Variants in RNF212B observed in about 807,000 individuals in gnomAD.
The protein encoded by RNF212B is ring finger protein 212B, also known as E3 ubiquitin-protein ligase RNF212B.
Under a neutral mutation model 55.5 loss-of-function variants are expected in RNF212B, and 52 were observed. That is an observed-to-expected ratio of 0.94 (90% CI 0.75 to 1.18). The LOEUF (loss-of-function observed/expected upper bound fraction) is 1.18, where lower values mean the gene tolerates loss of function less well. Among genes scored for constraint, RNF212B ranks in the 50% most tolerant of loss-of-function variants. The probability of loss-of-function intolerance (pLI) is 0.00; values close to 1 mark genes in which losing one functional copy is unlikely to be tolerated. For synonymous variants in RNF212B, 99 were observed against 121.4 expected, an observed-to-expected ratio of 0.82 and a Z score of 1.21; for missense variants, 289 against 350.4, an observed-to-expected ratio of 0.82 and a Z score of 1.40.
At chr14:23,186,121 A>G (rs1200435328) in intron 1 of RNF212B, among the ~76,000 whole-genome samples, 1 of 152,002 alleles carries the variant, frequency 6.6e-6, no homozygotes, top group African/African-American at 2.4e-5. Flanking sequence ...AACCAAAACA[A>G]ACAAACAAAC....
chr14:23,189,874 C>T (rs1877951945), intron 1 of RNF212B, among the ~76,000 whole-genome samples: 1 of 152,162 alleles, frequency 6.6e-6, no homozygotes, highest in African/African-American at 2.4e-5. Flanking sequence ...CACCCAACTT[C>T]TCTGCTCCCA....
chr14:23,227,921 A>G (rs1468451834), intron 2 of RNF212B, among the ~76,000 whole-genome samples: 2 of 152,046 alleles, frequency 1.3e-5, no homozygotes, highest in Non-Finnish European at 2.9e-5. Flanking sequence ...TAAAAATATA[A>G]AAGTTTTTTA....
At chr14:23,230,740 T>TA (rs1882550502) in intron 2 of RNF212B, among the ~76,000 whole-genome samples, 1 of 151,964 alleles carries the variant, frequency 6.6e-6, no homozygotes, top group Non-Finnish European at 1.5e-5. Context: ...CTAAGAGTTT[T>TA]AGAGTTTTCA....
chr14:23,230,511 G>A (rs967173226), intron 2 of RNF212B, among the ~76,000 whole-genome samples: 1 of 151,932 alleles, frequency 6.6e-6, no homozygotes, highest in African/African-American at 2.4e-5. Context: ...AAAATTAGCC[G>A]GGTGTGGTGG....
At chr14:23,238,973 A>G (rs1490021462) in intron 1 of RNF212B, among the ~76,000 whole-genome samples, 1 of 152,146 alleles carries the variant, frequency 6.6e-6, no homozygotes, top group Non-Finnish European at 1.5e-5. Context: ...CAAGTCATTT[A>G]ATTTTACTGA....
chr14:23,272,355 G>A (rs8003873), intron 14 of RNF212B: 7,188 of 173,542 alleles, frequency 0.041, 591 homozygotes, highest in African/African-American at 0.16. Context: ...GGGAGGCGGA[G>A]CTTGCAGTAA....
chr14:23,208,637 C>T (rs961700918), intron 2 of RNF212B, among the ~76,000 whole-genome samples: 5 of 151,868 alleles, frequency 3.3e-5, no homozygotes, highest in African/African-American at 1.2e-4. Context: ...TTGGATCTCA[C>T]TCAAGAAAGA....
At chr14:23,245,231 C>T (rs1335363325) in intron 4 of RNF212B, among the ~76,000 whole-genome samples, 2 of 152,112 alleles carry the variant, frequency 1.3e-5, no homozygotes, top group Admixed American at 1.3e-4. Flanking sequence ...CTTCAGTGTC[C>T]TGCCTCTCAA....
At chr14:23,268,868 T>C in intron 11 of RNF212B, 56 bp from the exon 12 acceptor site, 1 of 1,438,328 alleles carries the variant, frequency 7.0e-7, no homozygotes, top group Non-Finnish European at 9.6e-7. Context: ...CAAGTATACC[T>C]GAATCTCTTC....
intron 2 of RNF212B, among the ~76,000 whole-genome samples, chr14:23,200,118 A>T (rs981066486): frequency 1.3e-5 from 2 of 152,088 alleles, no homozygotes; most frequent in Non-Finnish European, 2.9e-5. Flanking sequence ...TTTACTAAAG[A>T]TAAATCATGG....
chr14:23,230,667 A>G (rs1367605608), intron 2 of RNF212B, among the ~76,000 whole-genome samples: 1 of 150,792 alleles, frequency 6.6e-6, no homozygotes, highest in Non-Finnish European at 1.5e-5. Flanking sequence ...AAAAAAAAAA[A>G]AAAAAAAAAA....
Position 23,240,414 on chromosome 14 carries a change from C to T in RNF212B, c.69C>T (p.Gly23=). ...DGAHFFVTSC[G]HIFCKKCVTL... ...CCCATTTCTTTGTCACCAGCTGTGG[C>T]CATATTTTCTGTAAAAAGTGTGTGA... is the stretch of plus-strand genomic sequence containing the variant. Residue 23 remains glycine, a synonymous_variant, in exon 2 of 15, where the codon GGC becomes GGT. Coordinates refer to ENST00000430154, the MANE Select transcript of RNF212B (RefSeq NM_001282322.3). The T allele has an allele frequency of 6.5e-7, 1 of 1,550,164 alleles. No homozygotes were observed. Among genetic ancestry groups the T allele is most frequent in the South Asian group, 1.2e-5 (1 of 84,036 alleles).
chr14:23,218,634 G>T (rs1426955682), intron 2 of RNF212B, among the ~76,000 whole-genome samples: 2 of 151,854 alleles, frequency 1.3e-5, no homozygotes, highest in Non-Finnish European at 2.9e-5. Flanking sequence ...AGTCAGAGGA[G>T]ACGAAAGAAA....
At chr14:23,242,691 GT>G (rs1255970218) in intron 2 of RNF212B, among the ~76,000 whole-genome samples, 1 of 152,186 alleles carries the variant, frequency 6.6e-6, no homozygotes, top group African/African-American at 2.4e-5. Context: ...GGGGCAGGAG[GT>G]GCTGGGGTGG....
intron 2 of RNF212B, among the ~76,000 whole-genome samples, chr14:23,230,656 A>G (rs1882534079): frequency 1.7e-5 from 1 of 57,736 alleles, no homozygotes; most frequent in South Asian, 3.8e-4. Context: ...TCCATCTCAA[A>G]AAAAAAAAAA....
chr14:23,223,161 A>C (rs1881716248), intron 2 of RNF212B, among the ~76,000 whole-genome samples: 4 of 152,182 alleles, frequency 2.6e-5, no homozygotes, highest in Admixed American at 2.0e-4. Flanking sequence ...GTCGTACATC[A>C]TATCAATAGA....
chr14:23,229,789 T>C (rs1273372313), intron 2 of RNF212B, among the ~76,000 whole-genome samples: 3 of 152,174 alleles, frequency 2.0e-5, no homozygotes, highest in African/African-American at 7.2e-5. Context: ...TCTCACATAT[T>C]TATTACTGAA....
intron 2 of RNF212B, among the ~76,000 whole-genome samples, chr14:23,213,485 T>C (rs1880755149): frequency 6.6e-6 from 1 of 152,150 alleles, no homozygotes; most frequent in South Asian, 2.1e-4. Context: ...CCAGGAGTCA[T>C]GAGGCGGAAA....
intron 11 of RNF212B, among the ~76,000 whole-genome samples, chr14:23,265,021 G>A (rs1447133816): frequency 6.6e-6 from 1 of 151,900 alleles, no homozygotes; most frequent in Non-Finnish European, 1.5e-5. Context: ...GGGTTTCATC[G>A]TGTTGCCCAG....
Sources: allele counts gnomAD v4.1 joint callset (sites outside exome capture counted in the v4.1 genomes callset), GRCh38; gene constraint gnomAD v4.1.1; transcripts MANE v1.5; gene names NCBI Gene and HGNC (gene_info 2026-07-23, HGNC 2026-07-21).